Variants in XKR4 observed in about 807,000 individuals in gnomAD.
XKR4 encodes XK related 4.
Under a neutral mutation model 53.9 loss-of-function variants are expected in XKR4, and 12 were observed. The ratio of observed to expected loss-of-function variants is 0.22; its 90% confidence interval spans 0.14 to 0.36. The LOEUF (loss-of-function observed/expected upper bound fraction) is 0.36, where lower values mean the gene tolerates loss of function less well. Among genes scored for constraint, XKR4 ranks in the 10% least tolerant of loss-of-function variants. The pLI is 1.00. For missense variants in XKR4, 799 were observed against 859.5 expected, an observed-to-expected ratio of 0.93 and a Z score of 0.88; for synonymous variants, 354 against 362.4, an observed-to-expected ratio of 0.98 and a Z score of 0.26.
At chr8:55,413,945 T>C (rs1024438477) in intron 2 of XKR4, among the ~76,000 whole-genome samples, 3 of 152,250 alleles carry the variant, frequency 2.0e-5, no homozygotes, top group African/African-American at 7.2e-5. Context: ...TCTCATTTTC[T>C]ATAGACTTTC....
intron 1 of XKR4, among the ~76,000 whole-genome samples, chr8:55,167,028 G>A (rs374313383): frequency 1.3e-5 from 2 of 152,302 alleles, no homozygotes; most frequent in East Asian, 3.9e-4. Context: ...TAGGATGGAA[G>A]GGGCAAAAGT....
intron 1 of XKR4, among the ~76,000 whole-genome samples, chr8:55,165,577 G>C (rs1167327064): frequency 2.6e-5 from 4 of 151,938 alleles, no homozygotes; most frequent in African/African-American, 9.7e-5. Flanking sequence ...ATCAACATCA[G>C]CGAAGAGGGG....
rs906439614 is a variant in XKR4, at chr8:55,531,665, T to C, written c.*7438T>C. 1 of 152,226 alleles carries C rather than the reference T, an allele frequency of 6.6e-6. No homozygotes were observed. Among genetic ancestry groups the C allele is most frequent in the Non-Finnish European group, 1.5e-5 (1 of 68,040 alleles). The allele number at this position is 152,226 out of a possible 1,614,324, so 9.4% of individuals were successfully genotyped here. ...AGTATTTGATTGAAAACAATCATTTTTGGATAAACTTTGAAGCGATTCTTG... is the reference window on the plus strand; with the variant it reads ...AGTATTTGATTGAAAACAATCATTTCTGGATAAACTTTGAAGCGATTCTTG... On this transcript the variant is annotated 3_prime_UTR_variant, in exon 3 of 3. Transcript: ENST00000327381.
Position 55,504,894 on chromosome 8 carries a change from C to T in XKR4, c.1007-18387C>T, listed in dbSNP as rs111770649. Among the ~76,000 whole-genome samples, 978 of 152,046 alleles carry T rather than the reference C, an allele frequency of 6.4e-3. 9 individuals carry two copies. Among genetic ancestry groups the T allele is most frequent in the African/African-American group, 0.022 (909 of 41,494 alleles). On this transcript the variant is annotated intron_variant, in intron 2 of 2. Coordinates refer to ENST00000327381, the MANE Select transcript of XKR4 (RefSeq NM_052898.2). ...TAATTCTTTTTACTTCTGTAAAATT[C>T]GTAGTGATGTCCCAACTTTTGCTAC...
At chr8:55,408,717 T>C (rs889967973) in intron 2 of XKR4, among the ~76,000 whole-genome samples, 1 of 152,082 alleles carries the variant, frequency 6.6e-6, no homozygotes, top group Admixed American at 6.5e-5. Context: ...GGCTCAAAGA[T>C]GGAGCCACAA....
chr8:55,348,694 ACAC>A (rs1803686402), intron 1 of XKR4, among the ~76,000 whole-genome samples: 3 of 144,520 alleles, frequency 2.1e-5, no homozygotes, highest in Non-Finnish European at 4.6e-5. Context: ...ACAAACATAC[ACAC>A]ACACACACAC....
At chr8:55,374,996 A>G (rs1275400523) in intron 2 of XKR4, among the ~76,000 whole-genome samples, 1 of 152,180 alleles carries the variant, frequency 6.6e-6, no homozygotes, top group African/African-American at 2.4e-5. Flanking sequence ...AGCAGTTTGC[A>G]GTAACAAGGG....
chr8:55,453,213 C>G (rs1435554764), intron 2 of XKR4: 6 of 491,354 alleles, frequency 1.2e-5, no homozygotes, highest in African/African-American at 1.2e-4. Flanking sequence ...CTTGGCTCCG[C>G]TTCCAGGAAG....
intron 2 of XKR4, among the ~76,000 whole-genome samples, chr8:55,491,937 A>T (rs1806278331): frequency 6.6e-6 from 1 of 152,194 alleles, no homozygotes; most frequent in South Asian, 2.1e-4. Flanking sequence ...ACTCAAGAGG[A>T]TGCCGATGCA....
intron 1 of XKR4, among the ~76,000 whole-genome samples, chr8:55,197,778 C>T (rs1320351174): frequency 1.3e-5 from 2 of 152,106 alleles, no homozygotes; most frequent in Non-Finnish European, 2.9e-5. Context: ...CTCCTGACCT[C>T]GTGATCCACC....
At chr8:55,466,180 A>T (rs192569445) in intron 2 of XKR4, among the ~76,000 whole-genome samples, 3 of 152,162 alleles carry the variant, frequency 2.0e-5, no homozygotes, top group African/African-American at 7.2e-5. Context: ...ATAAAGACAC[A>T]TGCATATGTA....
chr8:55,334,299 C>T (rs996548061), intron 1 of XKR4, among the ~76,000 whole-genome samples: 1 of 152,030 alleles, frequency 6.6e-6, no homozygotes, highest in African/African-American at 2.4e-5. Context: ...TTATGGAAGT[C>T]CTTAGCATGT....
chr8:55,192,429 T>A (rs1282218675), intron 1 of XKR4, among the ~76,000 whole-genome samples: 1 of 152,056 alleles, frequency 6.6e-6, no homozygotes, highest in African/African-American at 2.4e-5. Flanking sequence ...TGAAAGTGAA[T>A]GTTTTGTTTA....
intron 1 of XKR4, among the ~76,000 whole-genome samples, chr8:55,213,981 T>C (rs953233980): frequency 1.3e-5 from 2 of 148,426 alleles, no homozygotes; most frequent in African/African-American, 5.0e-5. Context: ...CCTGTTTGAG[T>C]CTCCAGAGTA....
At position 55,523,391 on chromosome 8, in the gene XKR4, A is replaced by G. The variant is rs761412913; in HGVS notation, c.1117A>G (p.Ile373Val). ...GAAGCCCATCAGCTACATGGCCGTC[A>G]TCATCCAGTTCTGCTGGCACTTCTT... Reference protein sequence around the residue: ...DKKPISYMAVIIQFCWHFFTI... With the variant: ...DKKPISYMAVVIQFCWHFFTI... Residue 373 changes from isoleucine to valine, a missense_variant, in exon 3 of 3, where the codon ATC becomes GTC. Ile to Val is a conservative substitution (Grantham distance 29). Around this residue, in one of 3 missense-constraint regions of XKR4, gnomAD observed 476 missense variants for 505.4 expected, o/e 0.94. Transcript: ENST00000327381. 1 of 1,614,230 alleles carries G rather than the reference A, an allele frequency of 6.2e-7. No homozygotes were observed. The highest frequency in any genetic ancestry group is 8.5e-7 in the Non-Finnish European group (1 of 1,180,036).
intron 1 of XKR4, among the ~76,000 whole-genome samples, chr8:55,134,751 G>C (rs1051001409): frequency 6.6e-6 from 1 of 152,206 alleles, no homozygotes; most frequent in African/African-American, 2.4e-5. Flanking sequence ...TGCACCAAAT[G>C]AAGCAAGTTG....
rs972827641 is a variant in XKR4, at chr8:55,290,668, A to T, written c.807-67010A>T. Among the ~76,000 whole-genome samples, 11 of 151,872 alleles carry T rather than the reference A, an allele frequency of 7.2e-5. 1 individual carries two copies. The highest frequency in any genetic ancestry group is 7.2e-4 in the Admixed American group (11 of 15,254). Reference sequence around the variant, plus strand: ...CATTTTAAAAATGTACTTATTTGTCATCTGTATATCCTCCTTGGTGAAAAT... The same window carrying T: ...CATTTTAAAAATGTACTTATTTGTCTTCTGTATATCCTCCTTGGTGAAAAT... On this transcript the variant is annotated intron_variant, in intron 1 of 2. Coordinates refer to ENST00000327381, the MANE Select transcript of XKR4 (RefSeq NM_052898.2).
chr8:55,516,195 A>G lies in XKR4; in HGVS notation c.1007-7086A>G, dbSNP rs544742266. Among the ~76,000 whole-genome samples the G allele has an allele frequency of 2.2e-3, 333 of 152,334 alleles. 1 individual carries two copies. Among genetic ancestry groups the G allele is most frequent in the African/African-American group, 7.7e-3 (319 of 41,580 alleles). ...ATGCTTGTTCCTTCTTAATTTGTCT[A>G]TGATTATGAGCCTCATATGCACTAA... On this transcript the variant is annotated intron_variant, in intron 2 of 2. Coordinates refer to ENST00000327381, the MANE Select transcript of XKR4 (RefSeq NM_052898.2).
intron 1 of XKR4, among the ~76,000 whole-genome samples, chr8:55,336,126 A>T (rs1161923842): frequency 6.6e-6 from 1 of 151,822 alleles, no homozygotes; most frequent in African/African-American, 2.4e-5. Flanking sequence ...CCCAAATCTC[A>T]TCTTAAATTG....
Sources: gnomAD v4.1 joint callset for allele counts (sites outside exome capture counted in the v4.1 genomes callset) on GRCh38, gnomAD v4.1.1 for gene constraint, gnomAD v4.1.1 regional missense constraint, MANE v1.5 for transcripts, NCBI Gene and HGNC (gene_info 2026-07-23, HGNC 2026-07-21) for gene names.